The following UBE2H variants were observed in gnomAD, a reference collection of about 807,000 sequenced individuals.
The protein encoded by UBE2H is ubiquitin conjugating enzyme E2 H, also known as ubiquitin-conjugating enzyme E2 H.
In UBE2H, 3 loss-of-function variants were observed where a neutral mutation model predicts 29.0. That is an observed-to-expected ratio of 0.10 (90% CI 0.05 to 0.27). The LOEUF (loss-of-function observed/expected upper bound fraction) is 0.27, where lower values mean the gene tolerates loss of function less well. UBE2H is among the 10% of genes least tolerant of loss of function. The probability of loss-of-function intolerance (pLI) is 1.00; values close to 1 mark genes in which losing one functional copy is unlikely to be tolerated. For synonymous variants in UBE2H, 69 were observed against 82.9 expected, an observed-to-expected ratio of 0.83 and a Z score of 0.91; for missense variants, 68 against 228.2, an observed-to-expected ratio of 0.30 and a Z score of 4.52.
chr7:129,846,742 C>T (rs551280362), intron 5 of UBE2H, among the ~76,000 whole-genome samples: 74 of 152,252 alleles, frequency 4.9e-4, no homozygotes, highest in African/African-American at 1.7e-3. Flanking sequence ...CTGAAAAATA[C>T]ATGCTGTAAC....
intron 1 of UBE2H, among the ~76,000 whole-genome samples, chr7:129,889,283 T>C (rs1482530054): frequency 2.0e-5 from 3 of 152,076 alleles, no homozygotes; most frequent in Non-Finnish European, 4.4e-5. Context: ...AGGAAAGAAA[T>C]ATTCAAGACC....
intron 3 of UBE2H, among the ~76,000 whole-genome samples, chr7:129,862,628 G>A (rs1805823354): frequency 6.6e-6 from 1 of 152,062 alleles, no homozygotes; most frequent in Admixed American, 6.6e-5. Flanking sequence ...CAAGAGGAGA[G>A]GAGAAGGTCA....
At chr7:129,913,145 G>A (rs1377204505) in intron 1 of UBE2H, among the ~76,000 whole-genome samples, 3 of 151,654 alleles carry the variant, frequency 2.0e-5, no homozygotes, top group Middle Eastern at 3.4e-3. Context: ...CCAGCTACTC[G>A]GGAGGCTGAG....
chr7:129,867,721 A>T (rs1177565334), intron 3 of UBE2H, among the ~76,000 whole-genome samples: 1 of 76,648 alleles, frequency 1.3e-5, no homozygotes, highest in African/African-American at 5.5e-5. Context: ...AAAAAAAGAA[A>T]ACCAAAAAAA....
At chr7:129,896,171 C>T (rs539579715) in intron 1 of UBE2H, among the ~76,000 whole-genome samples, 2 of 151,882 alleles carry the variant, frequency 1.3e-5, no homozygotes, top group South Asian at 2.1e-4. Context: ...CCCGTCTCTA[C>T]TAAAAAACAC....
chr7:129,886,765 G>T (rs904190266), intron 1 of UBE2H, among the ~76,000 whole-genome samples: 19 of 58,206 alleles, frequency 3.3e-4, no homozygotes, highest in East Asian at 1.5e-3. Flanking sequence ...TTTGTTTTTT[G>T]GTAAAAAAAA....
At chr7:129,837,158 G>C (rs1805346227) in intron 6 of UBE2H, among the ~76,000 whole-genome samples, 1 of 152,188 alleles carries the variant, frequency 6.6e-6, no homozygotes, top group African/African-American at 2.4e-5. Flanking sequence ...CACACAAATG[G>C]AAATGTCCAG....
intron 1 of UBE2H, among the ~76,000 whole-genome samples, chr7:129,938,413 CAAAA>C (rs34454670): frequency 1.3e-4 from 5 of 38,040 alleles, no homozygotes; most frequent in East Asian, 1.3e-3. Flanking sequence ...CTGCCTCATT[CAAAA>C]AAAAAAAAAA....
At chr7:129,935,590 TAAGAA>T (rs935868106) in intron 1 of UBE2H, among the ~76,000 whole-genome samples, 1 of 152,130 alleles carries the variant, frequency 6.6e-6, no homozygotes, top group Non-Finnish European at 1.5e-5. Flanking sequence ...TCTGACACCT[TAAGAA>T]AAGATGCAAT....
chr7:129,866,465 C>T (rs1328909545), intron 3 of UBE2H, among the ~76,000 whole-genome samples: 4 of 152,246 alleles, frequency 2.6e-5, no homozygotes, highest in East Asian at 3.9e-4. Context: ...ATCTTTCGAT[C>T]GCTGGGTCGT....
intron 1 of UBE2H, among the ~76,000 whole-genome samples, chr7:129,931,491 T>C (rs1357593778): frequency 2.0e-5 from 3 of 152,060 alleles, no homozygotes; most frequent in Non-Finnish European, 4.4e-5. Flanking sequence ...GTAAATCTTA[T>C]GCATATAAAT....
intron 1 of UBE2H, among the ~76,000 whole-genome samples, chr7:129,950,602 ACT>A (rs1332999752): frequency 6.6e-6 from 1 of 152,110 alleles, no homozygotes; most frequent in Non-Finnish European, 1.5e-5. Flanking sequence ...ATAATTTGAG[ACT>A]CTGACAACGA....
At chr7:129,896,002 G>A (rs994794134) in intron 1 of UBE2H, among the ~76,000 whole-genome samples, 9 of 152,124 alleles carry the variant, frequency 5.9e-5, no homozygotes, top group African/African-American at 2.2e-4. Flanking sequence ...ACTTTATGGA[G>A]TATCTATGTA....
chr7:129,883,066 AT>A (rs1212795098), intron 1 of UBE2H, among the ~76,000 whole-genome samples: 1 of 152,256 alleles, frequency 6.6e-6, no homozygotes, highest in Non-Finnish European at 1.5e-5. Flanking sequence ...AAACTGAAGT[AT>A]AAAAAAGTCC....
chr7:129,907,272 G>A (rs1806837542), intron 1 of UBE2H, among the ~76,000 whole-genome samples: 1 of 152,112 alleles, frequency 6.6e-6, no homozygotes, highest in African/African-American at 2.4e-5. Context: ...ATAGTTAAGT[G>A]CCAAAACAAG....
At chr7:129,852,816 C>T (rs557397483) in intron 5 of UBE2H, among the ~76,000 whole-genome samples, 4 of 152,068 alleles carry the variant, frequency 2.6e-5, no homozygotes, top group African/African-American at 9.7e-5. Context: ...ACCTCCGCCT[C>T]CCGGGTTCAA....
intron 1 of UBE2H, among the ~76,000 whole-genome samples, chr7:129,915,561 C>T (rs1363665119): frequency 6.6e-6 from 1 of 152,062 alleles, no homozygotes; most frequent in Non-Finnish European, 1.5e-5. Flanking sequence ...CTAAATACTA[C>T]TACTGGTACT....
intron 1 of UBE2H, among the ~76,000 whole-genome samples, chr7:129,906,172 T>C (rs543287209): frequency 1.3e-5 from 2 of 151,942 alleles, no homozygotes; most frequent in South Asian, 2.1e-4. Flanking sequence ...GAGATAAGGA[T>C]GAACTGTGAA....
intron 5 of UBE2H, among the ~76,000 whole-genome samples, chr7:129,853,809 T>C (rs188182389): frequency 6.6e-6 from 1 of 152,226 alleles, no homozygotes; most frequent in Non-Finnish European, 1.5e-5. Flanking sequence ...TATCAGGCTA[T>C]GATTAACATA....
Sources: allele counts gnomAD v4.1 joint callset (sites outside exome capture counted in the v4.1 genomes callset), GRCh38; gene constraint gnomAD v4.1.1; transcripts MANE v1.5; gene names NCBI Gene and HGNC (gene_info 2026-07-23, HGNC 2026-07-21).